Variants in KIF3C observed in about 807,000 individuals in gnomAD.
KIF3C encodes the protein kinesin family member 3C.
A neutral mutation model predicts 67.7 loss-of-function variants in KIF3C; 12 were observed. The ratio of observed to expected loss-of-function variants is 0.18; its 90% confidence interval spans 0.11 to 0.29. The LOEUF is 0.29. KIF3C is among the 10% of genes least tolerant of loss of function. KIF3C has a pLI of 1.00. For missense variants in KIF3C, 789 were observed against 1,059.6 expected, an observed-to-expected ratio of 0.74 and a Z score of 3.55; for synonymous variants, 393 against 426.2, an observed-to-expected ratio of 0.92 and a Z score of 0.96.
At chr2:25,929,538 T>C in intron 6 of KIF3C, 61 bp from the exon 7 acceptor site, 1 of 1,485,296 alleles carries the variant, frequency 6.7e-7, no homozygotes, top group Admixed American at 1.7e-5. Flanking sequence ...TTCTAGGGAC[T>C]CAGCCAGTCT....
chr2:25,933,703 A>C (rs948478475), intron 5 of KIF3C, among the ~76,000 whole-genome samples: 1 of 151,806 alleles, frequency 6.6e-6, no homozygotes, highest in African/African-American at 2.4e-5. Context: ...CCCACAATGG[A>C]TACCAGTTCA....
intron 5 of KIF3C, among the ~76,000 whole-genome samples, chr2:25,933,161 G>A (rs943689847): frequency 5.9e-5 from 9 of 151,686 alleles, no homozygotes; most frequent in Non-Finnish European, 1.0e-4. Flanking sequence ...TGAGACAGGA[G>A]AATTGCTTGA....
chr2:25,955,478 T>A lies in KIF3C; in HGVS notation c.1770+63A>T. On this transcript the variant is annotated intron_variant, in intron 3 of 7. Coordinates refer to ENST00000264712, the MANE Select transcript of KIF3C (RefSeq NM_002254.8). This position sits in a 1 kb window ranked among gnomAD's most constrained non-coding sequence, Gnocchi z 5.0. ...TGGGGAGGAGTCCCTGAAGCACACATCCCTTGGGCAGAGACTGCTGGGCCT... is the reference window on the plus strand; with the variant it reads ...TGGGGAGGAGTCCCTGAAGCACACAACCCTTGGGCAGAGACTGCTGGGCCT... 1 of 1,583,748 alleles carries A rather than the reference T, an allele frequency of 6.3e-7. No homozygotes were observed. Among genetic ancestry groups the A allele is most frequent in the Non-Finnish European group, 8.6e-7 (1 of 1,160,022 alleles).
chr2:25,932,550 G>A (rs1476017043), intron 5 of KIF3C, among the ~76,000 whole-genome samples: 1 of 151,648 alleles, frequency 6.6e-6, no homozygotes, highest in Non-Finnish European at 1.5e-5. Flanking sequence ...TTATTACAAA[G>A]CGCCAGGTGT....
At chr2:25,930,189 TCTC>T (rs1232382883) in intron 5 of KIF3C, 126 bp from the exon 6 acceptor site, 1 of 700,870 alleles carries the variant, frequency 1.4e-6, no homozygotes, top group Non-Finnish European at 2.5e-6. Flanking sequence ...GGAATTTTCT[TCTC>T]CTTGCTCTAA....
intron 5 of KIF3C, among the ~76,000 whole-genome samples, chr2:25,943,956 T>C (rs1054606237): frequency 3.3e-5 from 5 of 151,856 alleles, no homozygotes; most frequent in Middle Eastern, 3.4e-3. Flanking sequence ...ATACTGCAAA[T>C]TGCAGTCATC....
At chr2:25,966,386 G>A (rs936181952) in intron 1 of KIF3C, among the ~76,000 whole-genome samples, 4 of 152,156 alleles carry the variant, frequency 2.6e-5, no homozygotes, top group South Asian at 2.1e-4. Flanking sequence ...GATTACAGGC[G>A]TGAGCCACCA....
intron 4 of KIF3C, 47 bp from the exon 5 acceptor site, chr2:25,951,952 AC>A: frequency 7.8e-7 from 1 of 1,277,658 alleles, no homozygotes; most frequent in Non-Finnish European, 1.1e-6. Flanking sequence ...TGAGCGAGAG[AC>A]CACGTGGTGC....
At chr2:25,959,807 G>A (rs561554393) in intron 1 of KIF3C, among the ~76,000 whole-genome samples, 38 of 152,140 alleles carry the variant, frequency 2.5e-4, no homozygotes, top group African/African-American at 8.7e-4. Context: ...CATGGGGCCC[G>A]ATCATCTGGG....
At chr2:25,957,108 G>A (rs1663825106) in intron 1 of KIF3C, among the ~76,000 whole-genome samples, 2 of 152,140 alleles carry the variant, frequency 1.3e-5, no homozygotes, top group Non-Finnish European at 2.9e-5. Flanking sequence ...GTTCCAGGAT[G>A]GCTGGCAAAC....
At chr2:25,961,946 T>TAAAA (rs1663954368) in intron 1 of KIF3C, among the ~76,000 whole-genome samples, 1 of 84,382 alleles carries the variant, frequency 1.2e-5, no homozygotes, top group African/African-American at 5.6e-5. Flanking sequence ...AGACTCCATC[T>TAAAA]CAAAAAAAAA....
chr2:25,942,369 G>C (rs552341067), intron 5 of KIF3C, among the ~76,000 whole-genome samples: 1 of 151,302 alleles, frequency 6.6e-6, no homozygotes, highest in Non-Finnish European at 1.5e-5. Context: ...AAAATAAAAG[G>C]TTGTACTTGT....
chr2:25,938,667 C>T (rs578048692), intron 5 of KIF3C, among the ~76,000 whole-genome samples: 1 of 152,264 alleles, frequency 6.6e-6, no homozygotes, highest in East Asian at 1.9e-4. Context: ...CCGACCTTCC[C>T]ATCGGCTCCC....
In KIF3C at chr2:25,955,404, C is replaced by T; in HGVS notation, c.1770+137G>A. On this transcript the variant is annotated intron_variant, in intron 3 of 7. Coordinates refer to ENST00000264712, the MANE Select transcript of KIF3C (RefSeq NM_002254.8). The surrounding 1 kb of genome is among the most constrained non-coding windows in gnomAD (Gnocchi z 5.0). ...GCCTCCTGCCTCCCCCTGTTGCTCA[C>T]CCCCGAGGCCAAGCCATGTCACTCA... is the stretch of plus-strand genomic sequence containing the variant. 9.3e-7 allele frequency: 1 copy of T among 1,071,968 alleles called. No homozygotes were observed. The highest frequency in any genetic ancestry group is 1.4e-6 in the Non-Finnish European group (1 of 731,510). 66.4% of individuals were successfully genotyped at this position (1,071,968 alleles called of 1,614,324 possible).
At chr2:25,963,665 G>GTATTATTAT (rs72088886) in intron 1 of KIF3C, among the ~76,000 whole-genome samples, 16 of 125,870 alleles carry the variant, frequency 1.3e-4, no homozygotes, top group African/African-American at 3.2e-4. Flanking sequence ...TAGGCATGAA[G>GTATTATTAT]TATTATTATT....
chr2:25,942,314 C>T (rs1191889837), intron 5 of KIF3C, among the ~76,000 whole-genome samples: 3 of 151,968 alleles, frequency 2.0e-5, no homozygotes, highest in Admixed American at 6.6e-5. Context: ...GCTGAGATCA[C>T]GCCATTGCAC....
intron 1 of KIF3C, 143 bp from the exon 2 acceptor site, chr2:25,956,587 G>A: frequency 4.6e-6 from 3 of 650,164 alleles, no homozygotes; most frequent in Non-Finnish European, 8.3e-6. Context: ...GGCTTTCAGG[G>A]AGAATGGAGT....
chr2:25,954,299 C>T lies in KIF3C; in HGVS notation c.1857G>A (p.Ala619=), dbSNP rs1215141115. The part of the protein sequence containing the change: ...YIRVRQDLEE[A]QNEQTRELKL... ...TGAGTTCGCGGGTCTGCTCGTTCTGCGCCTCCTCCAGGTCCTGCCGCACGC... is the reference window on the plus strand; with the variant it reads ...TGAGTTCGCGGGTCTGCTCGTTCTGTGCCTCCTCCAGGTCCTGCCGCACGC... Residue 619 remains alanine (A), a synonymous_variant, in exon 4 of 8, where the codon GCG becomes GCA. Coordinates refer to ENST00000264712, the MANE Select transcript of KIF3C (RefSeq NM_002254.8). 4 of 1,613,936 alleles carry T rather than the reference C, an allele frequency of 2.5e-6. No homozygotes were observed. Among genetic ancestry groups the T allele is most frequent in the African/African-American group, 1.3e-5 (1 of 74,928 alleles).
intron 1 of KIF3C, among the ~76,000 whole-genome samples, chr2:25,970,892 G>C (rs1026262517): frequency 1.3e-5 from 2 of 149,772 alleles, no homozygotes; most frequent in Non-Finnish European, 3.0e-5. Context: ...TTGGGAGTCC[G>C]AGGCGGGTGG....
Sources: gnomAD v4.1 joint callset for allele counts (sites outside exome capture counted in the v4.1 genomes callset) on GRCh38, gnomAD v4.1.1 for gene constraint, Gnocchi (gnomAD v3.1) non-coding constraint, MANE v1.5 for transcripts, NCBI Gene and HGNC (gene_info 2026-07-23, HGNC 2026-07-21) for gene names.